Variants in SERPINB8 observed in about 807,000 individuals in gnomAD.
SERPINB8 encodes the protein serpin family B member 8.
SERPINB8 carries 25 observed loss-of-function variants against 35.3 expected under a neutral mutation model. The observed-to-expected ratio is 0.71, with a 90% CI of 0.52 to 0.99. The LOEUF (loss-of-function observed/expected upper bound fraction) is 0.99. Ranked by LOEUF, SERPINB8 falls within the 50% of genes least tolerant of loss-of-function variation. The probability of loss-of-function intolerance (pLI) is 0.00; values close to 1 mark genes in which losing one functional copy is unlikely to be tolerated. For missense variants in SERPINB8, 484 were observed against 446.5 expected, an observed-to-expected ratio of 1.08 and a Z score of -0.76; for synonymous variants, 186 against 160.8, an observed-to-expected ratio of 1.16 and a Z score of -1.19.
chr18:63,982,200 C>T (rs542414273), intron 4 of SERPINB8, among the ~76,000 whole-genome samples: 1 of 152,248 alleles, frequency 6.6e-6, no homozygotes, highest in East Asian at 1.9e-4. Flanking sequence ...ATTTCATGCT[C>T]TCATGTTATC....
At chr18:64,004,665 A>G (rs1181943501) in intron 1 of SERPINB8, among the ~76,000 whole-genome samples, 1 of 152,104 alleles carries the variant, frequency 6.6e-6, no homozygotes, top group East Asian at 1.9e-4. Context: ...ATTTTTATTT[A>G]TTTTTACTTC....
Position 64,011,071 on chromosome 18 carries a change from A to C in SERPINB8, c.*2+6191A>C, listed in dbSNP as rs541456725. Among the ~76,000 whole-genome samples, 4 of 152,028 alleles carry C rather than the reference A, an allele frequency of 2.6e-5. No individual in the cohort carries two copies. The South Asian group carries it at 8.3e-4, about 31-fold the overall frequency. ...TATAAAATGATGTGACAAGAACTAA[A>C]ATCAGCTAAGGGAGATGAATCTAAA... On this transcript the variant is annotated intron_variant, in intron 7 of 7. Coordinates refer to the SERPINB8 transcript ENST00000636430.
At chr18:64,016,724 G>A (rs1019511811) in intron 7 of SERPINB8, among the ~76,000 whole-genome samples, 10 of 152,166 alleles carry the variant, frequency 6.6e-5, no homozygotes, top group Admixed American at 6.6e-4. Context: ...TCATCCAGGA[G>A]CATACATCTT....
At chr18:63,994,220 A>G (rs967827290), downstream of SERPINB8, among the ~76,000 whole-genome samples, 2 of 152,094 alleles carry the variant, frequency 1.3e-5, no homozygotes, top group African/African-American at 4.8e-5. Context: ...TGTCCTGGGT[A>G]GCCTCTTCTT....
downstream of SERPINB8, among the ~76,000 whole-genome samples, chr18:63,992,713 C>G (rs72945636): frequency 6.6e-6 from 1 of 152,050 alleles, no homozygotes; most frequent in East Asian, 1.9e-4. Flanking sequence ...AGGATGAACG[C>G]GGGAATAAAA....
At chr18:63,982,121 A>G (rs17244903) in intron 4 of SERPINB8, among the ~76,000 whole-genome samples, 4,367 of 152,268 alleles carry the variant, frequency 0.029, 88 homozygotes, top group Middle Eastern at 0.054. Context: ...TTAATCTTCT[A>G]TCTGAGAGGC....
chr18:64,002,457 C>T (rs1012940852), intron 1 of SERPINB8, among the ~76,000 whole-genome samples: 2 of 152,132 alleles, frequency 1.3e-5, no homozygotes, highest in Admixed American at 1.3e-4. Context: ...CTTCTCTTGC[C>T]CCTCCTCCAA....
chr18:63,971,971 G>T (rs1024733733), intron 1 of SERPINB8, among the ~76,000 whole-genome samples: 1 of 151,516 alleles, frequency 6.6e-6, no homozygotes, highest in Non-Finnish European at 1.5e-5. Context: ...CACCACCTAC[G>T]GAATGCCTGC....
In SERPINB8 at chr18:63,983,587, T is replaced by C. The variant is rs758103594; in HGVS notation, c.433T>C (p.Ser145Pro). Residue 145 changes from serine to proline, a missense_variant, in exon 5 of 7, where the codon TCA becomes CCA. By Grantham distance (74) the Ser-to-Pro change is moderately conservative (BLOSUM62 -1). Coordinates refer to ENST00000397985, the MANE Select transcript of SERPINB8 (RefSeq NM_002640.4). The part of the protein sequence containing the change: ...WVAEKTEGKI[S>P]EVLDAGTVDP... ...TCTCATATTCTTTATAGGTAAGATT[T>C]CAGAGGTACTGGATGCTGGGACAGT... 12 of 1,613,578 alleles carry C rather than the reference T, an allele frequency of 7.4e-6. No individual in the cohort carries two copies. In the Admixed American group the frequency reaches 1.3e-4, roughly 18 times the overall value.
At chr18:64,018,056 G>C (rs1208030587) in intron 7 of SERPINB8, among the ~76,000 whole-genome samples, 1 of 152,066 alleles carries the variant, frequency 6.6e-6, no homozygotes, top group East Asian at 1.9e-4. Context: ...GATACCACTT[G>C]GTGTCGCCAT....
chr18:63,977,735 T>A (rs2050604748), intron 1 of SERPINB8, among the ~76,000 whole-genome samples: 1 of 152,192 alleles, frequency 6.6e-6, no homozygotes, highest in Non-Finnish European at 1.5e-5. Context: ...GGCCCTGAGA[T>A]TGGCTATTTT....
intron 6 of SERPINB8, 107 bp downstream of exon 6, chr18:63,985,352 C>A: frequency 8.2e-7 from 1 of 1,225,702 alleles, no homozygotes; most frequent in Non-Finnish European, 1.1e-6. Flanking sequence ...GGGGTTATTA[C>A]AGGCAGTGCT....
downstream of SERPINB8, among the ~76,000 whole-genome samples, chr18:63,992,266 T>G (rs932622682): frequency 6.6e-6 from 1 of 152,234 alleles, no homozygotes; most frequent in Admixed American, 6.5e-5. Context: ...GGCTTTATAT[T>G]GCAACTCTAT....
At chr18:63,986,289 T>G in intron 6 of SERPINB8, 7 of 1,610,400 alleles carry the variant, frequency 4.3e-6, no homozygotes, top group Non-Finnish European at 5.9e-6. Flanking sequence ...AATTTGAAGC[T>G]AACTCCAGGA....
intron 1 of SERPINB8, among the ~76,000 whole-genome samples, chr18:63,971,090 C>A (rs369242689): frequency 6.6e-6 from 1 of 152,154 alleles, no homozygotes; most frequent in Non-Finnish European, 1.5e-5. Flanking sequence ...TCCCTGGGTC[C>A]ACTCGCAGGG....
chr18:63,972,288 G>A (rs1009746231), intron 1 of SERPINB8, among the ~76,000 whole-genome samples: 6 of 151,980 alleles, frequency 3.9e-5, no homozygotes, highest in African/African-American at 1.4e-4. Context: ...GTTTAGCCTG[G>A]TTTTGAACTT....
intron 1 of SERPINB8, among the ~76,000 whole-genome samples, chr18:64,004,412 AGAAATTT>A (rs2050890519): frequency 6.6e-6 from 1 of 152,212 alleles, no homozygotes; most frequent in African/African-American, 2.4e-5. Context: ...AGAGAACTTG[AGAAATTT>A]ATGGCAATTA....
At chr18:63,990,628 T>A (rs1375137314), downstream of SERPINB8, among the ~76,000 whole-genome samples, 1 of 152,064 alleles carries the variant, frequency 6.6e-6, no homozygotes, top group African/African-American at 2.4e-5. Context: ...AACTCGTCAT[T>A]TAACTTTAGG....
At chr18:63,992,845 G>A (rs906400069), downstream of SERPINB8, among the ~76,000 whole-genome samples, 3 of 151,830 alleles carry the variant, frequency 2.0e-5, no homozygotes, top group African/African-American at 7.3e-5. Flanking sequence ...CAAAAAAAGT[G>A]GGGGTGATTG....
Sources: gnomAD v4.1 joint callset for allele counts (sites outside exome capture counted in the v4.1 genomes callset) on GRCh38, gnomAD v4.1.1 for gene constraint, MANE v1.5 for transcripts, NCBI Gene and HGNC (gene_info 2026-07-23, HGNC 2026-07-21) for gene names.